Variants in ADNP observed in about 807,000 individuals in gnomAD.
ADNP encodes activity dependent neuroprotector homeobox.
ADNP carries 4 observed loss-of-function variants against 84.9 expected under a neutral mutation model. The observed-to-expected ratio is 0.05, with a 90% CI of 0.02 to 0.11. ADNP has a LOEUF of 0.11. Ranked by LOEUF, ADNP falls within the 10% of genes least tolerant of loss-of-function variation. The pLI, the probability that ADNP is intolerant of heterozygous loss-of-function variation, is 1.00. For missense variants in ADNP, 1,132 were observed against 1,326.0 expected, an observed-to-expected ratio of 0.85 and a Z score of 2.27; for synonymous variants, 554 against 468.1, an observed-to-expected ratio of 1.18 and a Z score of -2.37.
chr20:50,890,886 A>G lies in ADNP; in HGVS notation c.*519T>C, dbSNP rs1980624371. 2 of 977,554 alleles carry G rather than the reference A, an allele frequency of 2.0e-6. No homozygotes were observed. Among genetic ancestry groups the G allele is most frequent in the Admixed American group, 6.1e-5 (1 of 16,266 alleles). 60.6% of individuals were successfully genotyped at this position (977,554 alleles called of 1,614,324 possible). On this transcript the variant is annotated 3_prime_UTR_variant, in exon 6 of 6. Transcript: ENST00000621696. The stretch of plus-strand genomic sequence containing the variant: ...AGGGCAACACTAAAAAAAGAAATCT[A>G]TGATGGGCACACAGTAACAGGATCA...
At chr20:50,930,542 G>A (rs74656669) in intron 1 of ADNP, among the ~76,000 whole-genome samples, 2 of 152,030 alleles carry the variant, frequency 1.3e-5, no homozygotes, top group Non-Finnish European at 1.5e-5. Context: ...CGGGCGGCCA[G>A]GCAGAGTGCT....
At chr20:50,925,439 G>A (rs932565474) in intron 2 of ADNP, among the ~76,000 whole-genome samples, 4 of 152,204 alleles carry the variant, frequency 2.6e-5, no homozygotes, top group South Asian at 2.1e-4. Flanking sequence ...ATAACATAAC[G>A]CAGGTGTAGG....
chr20:50,930,060 G>A (rs922109650), intron 1 of ADNP, among the ~76,000 whole-genome samples: 2 of 151,996 alleles, frequency 1.3e-5, no homozygotes, highest in Non-Finnish European at 2.9e-5. Context: ...GGGAAGGCAG[G>A]CAGGCCTCCC....
At chr20:50,915,181 A>G (rs1168790485) in intron 2 of ADNP, among the ~76,000 whole-genome samples, 4 of 152,136 alleles carry the variant, frequency 2.6e-5, no homozygotes, top group Non-Finnish European at 5.9e-5. Context: ...GTATTTGTGC[A>G]TTTTCTTTCC....
Position 50,891,767 on chromosome 20 carries a change from C to G in ADNP, c.2947G>C (p.Asp983His). 6.2e-7 allele frequency: 1 copy of G among 1,614,192 alleles called. No individual in the cohort carries two copies. The highest frequency in any genetic ancestry group is 8.5e-7 in the Non-Finnish European group (1 of 1,180,038). Reference sequence around the variant, plus strand: ...ATTTCGCAGGTATTGTCCTCAAAGTCTGACACTTGTTGGGATCCAGGCCCA... The same window carrying G: ...ATTTCGCAGGTATTGTCCTCAAAGTGTGACACTTGTTGGGATCCAGGCCCA... ...ESGPGSQQVS[D>H]FEDNTCEMKP... The change falls in exon 6 of 6, where the codon GAC becomes CAC. Residue 983 changes from aspartate (D) to histidine (H), a missense_variant. Around this residue, in one of 10 missense-constraint regions of ADNP, gnomAD observed 381 missense variants for 319.9 expected, o/e 1.19. Transcript: ENST00000621696.
rs1037583284 is a variant in ADNP, at chr20:50,890,755, G to T, written c.*650C>A. Reference sequence around the variant, plus strand: ...CTTACGTGGCTGGCCTCTGTTGCAAGATTGTACAAGGTTATGTGCAAAAAC... The same window carrying T: ...CTTACGTGGCTGGCCTCTGTTGCAATATTGTACAAGGTTATGTGCAAAAAC... On this transcript the variant is annotated 3_prime_UTR_variant, in exon 6 of 6. Coordinates refer to ENST00000621696, the MANE Select transcript of ADNP (RefSeq NM_001282531.3). 2.4e-5 allele frequency: 5 copies of T among 206,228 alleles called. No homozygotes were observed. The highest frequency in any genetic ancestry group is 3.4e-5 in the Non-Finnish European group (4 of 117,162). The allele number at this position is 206,228 out of a possible 1,614,324, so 12.8% of individuals were successfully genotyped here.
In ADNP at chr20:50,930,933, G is replaced by A. The variant is rs976538894; in HGVS notation, c.-372C>T. ...CACGGCGGTGGCGGCAGCGGGGAGG[G>A]CGCGCCCGGGGCCTCGTCGCGCTCC... On this transcript the variant is annotated 5_prime_UTR_variant, in exon 1 of 6. Transcript: ENST00000621696. 1.4e-5 allele frequency: 2 copies of A among 142,762 alleles called. No individual in the cohort carries two copies. The highest frequency in any genetic ancestry group is 5.1e-5 in the African/African-American group (2 of 39,430). 8.8% of individuals were successfully genotyped at this position (142,762 alleles called of 1,614,324 possible).
intron 2 of ADNP, among the ~76,000 whole-genome samples, chr20:50,918,216 G>A (rs1983662018): frequency 6.6e-6 from 1 of 152,132 alleles, no homozygotes; most frequent in African/African-American, 2.4e-5. Flanking sequence ...GTATTGATTA[G>A]GGAAGGAGAC....
Position 50,891,680 on chromosome 20 carries a change from C to T in ADNP, c.3034G>A (p.Ala1012Thr). The change falls in exon 6 of 6, where the codon GCT (alanine) becomes ACT (threonine). Residue 1012 changes from alanine to threonine, a missense_variant. Ala to Thr is a moderately conservative substitution (Grantham distance 58). Around this residue, in one of 10 missense-constraint regions of ADNP, gnomAD observed 381 missense variants for 319.9 expected, o/e 1.19. Transcript: ENST00000621696. ...QSEDARSSKP[A>T]AKKKATMQGD... Reference sequence around the variant, plus strand: ...TGCATGGTAGCCTTTTTTTTGGCAGCTGGCTTACTGCTCCTTGCATCTTCG... The same window carrying T: ...TGCATGGTAGCCTTTTTTTTGGCAGTTGGCTTACTGCTCCTTGCATCTTCG... The T allele has an allele frequency of 6.2e-7, 1 of 1,614,016 alleles. No individual in the cohort carries two copies. Among genetic ancestry groups the T allele is most frequent in the South Asian group, 1.1e-5 (1 of 91,064 alleles).
intron 2 of ADNP, chr20:50,909,793 C>T (rs986602146): frequency 1.3e-5 from 2 of 152,216 alleles, no homozygotes; most frequent in African/African-American, 2.4e-5. Context: ...AAGAATATTT[C>T]ATCTATGTAA....
intron 5 of ADNP, among the ~76,000 whole-genome samples, chr20:50,897,012 G>C (rs940041082): frequency 1.3e-5 from 2 of 152,158 alleles, no homozygotes; most frequent in Non-Finnish European, 2.9e-5. Flanking sequence ...CACAATCTCG[G>C]CTCACTGCAA....
intron 2 of ADNP, 33 bp from the exon 3 acceptor site, chr20:50,904,882 CA>C: frequency 6.6e-6 from 1 of 151,898 alleles, no homozygotes; most frequent in Non-Finnish European, 1.5e-5. Flanking sequence ...AAAACAAAAA[CA>C]AAAAAACCTT....
intron 2 of ADNP, among the ~76,000 whole-genome samples, chr20:50,920,310 G>A (rs1376852156): frequency 6.8e-6 from 1 of 146,496 alleles, no homozygotes; most frequent in Non-Finnish European, 1.5e-5. Flanking sequence ...AAAGAAAGCA[G>A]TGGCTCATGC....
intron 2 of ADNP, among the ~76,000 whole-genome samples, chr20:50,920,007 G>C (rs1983835100): frequency 6.6e-6 from 1 of 152,086 alleles, no homozygotes; most frequent in African/African-American, 2.4e-5. Context: ...GGCCGGGTGT[G>C]GTGGCTCATG....
chr20:50,913,107 G>A (rs1036574343), intron 2 of ADNP, among the ~76,000 whole-genome samples: 8 of 151,810 alleles, frequency 5.3e-5, no homozygotes, highest in Admixed American at 6.6e-5. Context: ...AATAAAATTA[G>A]CTGGGCATGG....
At chr20:50,898,085 T>TAC (rs2122791620) in intron 5 of ADNP, among the ~76,000 whole-genome samples, 1 of 152,338 alleles carries the variant, frequency 6.6e-6, no homozygotes, top group South Asian at 2.1e-4. Flanking sequence ...TGCTTTGGTC[T>TAC]ACCTCATGGA....
intron 2 of ADNP, among the ~76,000 whole-genome samples, chr20:50,917,297 A>C (rs1201155178): frequency 6.6e-6 from 1 of 152,190 alleles, no homozygotes; most frequent in Non-Finnish European, 1.5e-5. Context: ...AGAAATTAAG[A>C]ATCTGTACGT....
intron 4 of ADNP, among the ~76,000 whole-genome samples, chr20:50,902,446 A>G (rs1982079852): frequency 6.6e-6 from 1 of 152,146 alleles, no homozygotes; most frequent in Non-Finnish European, 1.5e-5. Flanking sequence ...CAGTACTGGA[A>G]TGGTGTCTAA....
chr20:50,900,745 TG>T (rs1276578192), intron 5 of ADNP, among the ~76,000 whole-genome samples: 1 of 152,228 alleles, frequency 6.6e-6, no homozygotes, highest in Non-Finnish European at 1.5e-5. Flanking sequence ...TTCCTCATTA[TG>T]GATAAATTTT....
Sources: allele counts gnomAD v4.1 joint callset (sites outside exome capture counted in the v4.1 genomes callset), GRCh38; gene constraint gnomAD v4.1.1; regional missense constraint gnomAD v4.1.1; transcripts MANE v1.5; gene names NCBI Gene and HGNC (gene_info 2026-07-23, HGNC 2026-07-21).